The following WDR19 variants were observed in gnomAD, a reference collection of about 807,000 sequenced individuals.
The protein encoded by WDR19 is WD repeat domain 19, also known as WD repeat-containing protein 19.
WDR19 carries 121 observed loss-of-function variants against 180.0 expected under a neutral mutation model. The observed-to-expected ratio is 0.67, with a 90% confidence interval of 0.58 to 0.78. The LOEUF (loss-of-function observed/expected upper bound fraction) is 0.78, where lower values mean the gene tolerates loss of function less well. Among genes scored for constraint, WDR19 ranks in the 30% least tolerant of loss-of-function variants. The pLI, the probability that WDR19 is intolerant of heterozygous loss-of-function variation, is 0.00. For missense variants in WDR19, 1,450 were observed against 1,640.7 expected (o/e 0.88, Z 2.01); for synonymous variants, 497 against 540.7 (o/e 0.92, Z 1.12).
intron 13 of WDR19, 46 bp from the exon 14 acceptor site, chr4:39,217,937 T>C (rs1259597166): frequency 6.2e-7 from 1 of 1,606,196 alleles, no homozygotes; most frequent in Non-Finnish European, 8.5e-7. Context: ...GTATAGATGG[T>C]TTACTCAAAT....
At chr4:39,262,508 T>C (rs1734390570) in intron 28 of WDR19, among the ~76,000 whole-genome samples, 1 of 152,212 alleles carries the variant, frequency 6.6e-6, no homozygotes, top group African/African-American at 2.4e-5. Context: ...CCCAAAGTGC[T>C]GTGATTACAT....
In WDR19 at chr4:39,204,122, T is replaced by C. The variant is rs146357388; in HGVS notation, c.603+400T>C. On this transcript the variant is annotated intron_variant, in intron 7 of 36. Coordinates refer to ENST00000399820, the MANE Select transcript of WDR19 (RefSeq NM_025132.4). The stretch of plus-strand genomic sequence containing the variant: ...TTTTTTGAGACAGAGTTTTGCTCTT[T>C]TTATCCAGGCTGGAGTGCAGTGGTG... Among the ~76,000 whole-genome samples the C allele has an allele frequency of 3.0e-3, 456 of 152,142 alleles. 3 individuals are homozygous for C. Among genetic ancestry groups the C allele is most frequent in the African/African-American group, 0.011 (442 of 41,490 alleles).
chr4:39,212,111 G>T (rs531922896), intron 9 of WDR19, among the ~76,000 whole-genome samples: 1 of 152,252 alleles, frequency 6.6e-6, no homozygotes, highest in East Asian at 1.9e-4. Context: ...TCAAGACTAT[G>T]TATCATTGGC....
chr4:39,241,523 C>T (rs559095877), intron 21 of WDR19, among the ~76,000 whole-genome samples: 1 of 145,546 alleles, frequency 6.9e-6, no homozygotes, highest in African/African-American at 2.5e-5. Flanking sequence ...GGGTCCGGGG[C>T]CGGGCACAGT....
intron 14 of WDR19, 140 bp downstream of exon 14, chr4:39,218,245 T>C: frequency 9.3e-7 from 1 of 1,076,530 alleles, no homozygotes; most frequent in Non-Finnish European, 1.3e-6. Context: ...ATTAATTATA[T>C]ACATTCATGT....
intron 36 of WDR19, among the ~76,000 whole-genome samples, chr4:39,284,770 T>TATC (rs995114041): frequency 2.6e-5 from 4 of 152,016 alleles, no homozygotes; most frequent in South Asian, 2.1e-4. Context: ...CTCCAAACAC[T>TATC]ATCAATCAAT....
At chr4:39,270,801 T>A (rs1333943397) in intron 31 of WDR19, among the ~76,000 whole-genome samples, 1 of 152,168 alleles carries the variant, frequency 6.6e-6, no homozygotes, top group Non-Finnish European at 1.5e-5. Flanking sequence ...GTGGATTTCA[T>A]AAAATTCCAC....
chr4:39,244,934 T>C (rs886310226), intron 23 of WDR19, among the ~76,000 whole-genome samples: 2 of 141,588 alleles, frequency 1.4e-5, no homozygotes, highest in Non-Finnish European at 3.0e-5. Flanking sequence ...TCTTTTTTTT[T>C]TTTCTTTTTT....
intron 14 of WDR19, among the ~76,000 whole-genome samples, chr4:39,220,293 T>C (rs1258421326): frequency 6.6e-6 from 1 of 152,060 alleles, no homozygotes; most frequent in Non-Finnish European, 1.5e-5. Context: ...TTTAAAAGTT[T>C]CCACTTTCTC....
intron 24 of WDR19, among the ~76,000 whole-genome samples, chr4:39,251,406 C>A (rs1339667624): frequency 2.0e-5 from 3 of 152,072 alleles, no homozygotes; most frequent in South Asian, 2.1e-4. Context: ...ACCATAAAAA[C>A]CCTAGAAGAA....
intron 24 of WDR19, among the ~76,000 whole-genome samples, chr4:39,246,473 G>T (rs1368912661): frequency 6.6e-6 from 1 of 152,232 alleles, no homozygotes; most frequent in Admixed American, 6.5e-5. Flanking sequence ...GAGGTACCGG[G>T]TTCATCTCAC....
At chr4:39,252,059 G>A (rs911594740) in intron 24 of WDR19, among the ~76,000 whole-genome samples, 7 of 151,926 alleles carry the variant, frequency 4.6e-5, no homozygotes, top group Non-Finnish European at 8.8e-5. Flanking sequence ...ACATGCACAC[G>A]TATGTTTATT....
intron 1 of WDR19, among the ~76,000 whole-genome samples, chr4:39,183,261 T>TG (rs1725152020): frequency 7.3e-6 from 1 of 137,058 alleles, no homozygotes. Context: ...TTTTTTTTTT[T>TG]TTTTTTTTTA....
chr4:39,249,623 G>T (rs948217203), intron 24 of WDR19, among the ~76,000 whole-genome samples: 5 of 152,050 alleles, frequency 3.3e-5, no homozygotes, highest in Admixed American at 2.0e-4. Context: ...ACAAAAGAGA[G>T]AAGAATCAAA....
At chr4:39,253,778 C>CA (rs757733793) in intron 25 of WDR19, 128 bp from the exon 26 acceptor site, 33,417 of 552,164 alleles carry the variant, frequency 0.061, 4 homozygotes, top group East Asian at 0.066. Flanking sequence ...GACTCCATCT[C>CA]AAAAAAAAAA....
intron 30 of WDR19, among the ~76,000 whole-genome samples, chr4:39,269,286 C>T (rs573010552): frequency 3.9e-5 from 6 of 151,902 alleles, no homozygotes; most frequent in Non-Finnish European, 8.8e-5. Flanking sequence ...TGGATCAAGG[C>T]TTGAGGGTTT....
rs998347209 is a variant in WDR19, at chr4:39,186,445, C to T, written c.99-94C>T. ...AGTGAGCCAAGATCACACCACTGCA[C>T]TCCAGCCTGGGCAACAGAGGGAGAC... On this transcript the variant is annotated intron_variant, in intron 2 of 36. Coordinates refer to ENST00000399820, the MANE Select transcript of WDR19 (RefSeq NM_025132.4). 5 of 971,530 alleles carry T rather than the reference C, an allele frequency of 5.1e-6. No homozygotes were observed. In the African/African-American group the frequency reaches 5.8e-5, roughly 11 times the overall value. 60.2% of individuals were successfully genotyped at this position (971,530 alleles called of 1,614,324 possible). A position where few individuals can be genotyped will look rare whatever the true frequency, so the allele number is the denominator to read the frequency against.
chr4:39,269,884 G>C lies in WDR19; in HGVS notation c.3359-92G>C, dbSNP rs1459156700. 2.0e-6 allele frequency: 3 copies of C among 1,495,436 alleles called. No homozygotes were observed. In the Admixed American group the frequency reaches 5.9e-5, roughly 29 times the overall value. 92.6% of individuals were successfully genotyped at this position (1,495,436 alleles called of 1,614,324 possible). On this transcript the variant is annotated intron_variant, in intron 30 of 36. Transcript: ENST00000399820. ...ATTATTAAGAGATTACTAATAACAA[G>C]ATTAACAAAATCCACTAGTAAGATG...
intron 15 of WDR19, among the ~76,000 whole-genome samples, chr4:39,225,666 G>A (rs951892131): frequency 5.9e-5 from 9 of 151,988 alleles, no homozygotes; most frequent in Admixed American, 5.2e-4. Flanking sequence ...GCTGCTTGTG[G>A]ACCCATCCTT....
Sources: allele counts gnomAD v4.1 joint callset (sites outside exome capture counted in the v4.1 genomes callset), GRCh38; gene constraint gnomAD v4.1.1; transcripts MANE v1.5; gene names NCBI Gene and HGNC (gene_info 2026-07-23, HGNC 2026-07-21).